SLC23A3: variants seen among roughly 807,000 people sequenced by gnomAD.
SLC23A3 encodes the protein E2-binding protein 3.
A neutral mutation model predicts 64.7 loss-of-function variants in SLC23A3; 41 were observed. The observed-to-expected ratio is 0.63, with a 90% CI of 0.49 to 0.82. The LOEUF (loss-of-function observed/expected upper bound fraction) is 0.82. Ranked by LOEUF, SLC23A3 falls within the 40% of genes least tolerant of loss-of-function variation. SLC23A3 has a pLI of 0.00. For synonymous variants in SLC23A3, 281 were observed against 306.8 expected, an observed-to-expected ratio of 0.92 and a Z score of 0.88; for missense variants, 647 against 733.4, an observed-to-expected ratio of 0.88 and a Z score of 1.36.
Position 219,164,280 on chromosome 2 carries a change from G to A in SLC23A3, c.1226C>T (p.Ser409Phe). 1 of 1,610,320 alleles carries A rather than the reference G, an allele frequency of 6.2e-7. No homozygotes were observed. The highest frequency in any genetic ancestry group is 8.5e-7 in the Non-Finnish European group (1 of 1,178,436). The change falls in exon 9 of 12, where the codon TCC becomes TTC. Residue 409 changes from serine to phenylalanine, a missense_variant. Ser to Phe is a radical substitution (Grantham distance 155). Coordinates refer to ENST00000409878, the MANE Select transcript of SLC23A3 (RefSeq NM_001144889.2). ...VGLLCVGLGLSPRLAQLLTTI... is the reference protein window; with the variant it reads ...VGLLCVGLGLFPRLAQLLTTI... ...GGTGAGGAGCTGAGCCAACCTGGGG[G>A]AGAGTCCAAGCCCCACGCAGAGTAG...
At position 219,168,825 on chromosome 2, in the gene SLC23A3, C is replaced by T; in HGVS notation, c.501G>A (p.Gly167=). The change falls in exon 5 of 12, where the codon GGG becomes GGA. Residue 167 remains glycine (G), a synonymous_variant. Coordinates refer to ENST00000409878, the MANE Select transcript of SLC23A3 (RefSeq NM_001144889.2). ...HWNTSLQEVS[G]AVVVSGLLQG... Reference sequence around the variant, plus strand: ...GCAGCAGCCCAGATACTACCACTGCCCCGGACACCTGGTAGAAGAGAGGAG... The same window carrying T: ...GCAGCAGCCCAGATACTACCACTGCTCCGGACACCTGGTAGAAGAGAGGAG... 6.3e-7 allele frequency: 1 copy of T among 1,585,436 alleles called. No homozygotes were observed. The highest frequency in any genetic ancestry group is 8.6e-7 in the Non-Finnish European group (1 of 1,166,116).
Position 219,164,267 on chromosome 2 carries a change from A to G in SLC23A3, c.1239T>C (p.Ala413=). 1 of 1,610,206 alleles carries G rather than the reference A, an allele frequency of 6.2e-7. No individual in the cohort carries two copies. Among genetic ancestry groups the G allele is most frequent in the Non-Finnish European group, 8.5e-7 (1 of 1,178,358 alleles). ...GCAGTGGGATGGTGGTGAGGAGCTGAGCCAACCTGGGGGAGAGTCCAAGCC... is the reference window on the plus strand; with the variant it reads ...GCAGTGGGATGGTGGTGAGGAGCTGGGCCAACCTGGGGGAGAGTCCAAGCC... ...CVGLGLSPRL[A]QLLTTIPLPV... The change falls in exon 9 of 12, where the codon GCT becomes GCC. Residue 413 remains alanine, a synonymous_variant. Coordinates refer to ENST00000409878, the MANE Select transcript of SLC23A3 (RefSeq NM_001144889.2).
At position 219,163,541 on chromosome 2, in the gene SLC23A3, C is replaced by T. The variant is rs765018030; in HGVS notation, c.1288G>A (p.Val430Met). 15 of 1,614,010 alleles carry T rather than the reference C, an allele frequency of 9.3e-6. No homozygotes were observed. Among genetic ancestry groups the T allele is most frequent in the African/African-American group, 1.3e-5 (1 of 74,916 alleles). Residue 430 changes from valine (V) to methionine (M), a missense_variant, in exon 10 of 12, where the codon GTG becomes ATG. By Grantham distance (21) the Val-to-Met change is conservative (BLOSUM62 1). Coordinates refer to ENST00000409878, the MANE Select transcript of SLC23A3 (RefSeq NM_001144889.2). ...GCAGACAAAACCACAGCCTGGGTCACCCCCAGCACCCCACCTGTCTCATAC... is the reference window on the plus strand; with the variant it reads ...GCAGACAAAACCACAGCCTGGGTCATCCCCAGCACCCCACCTGTCTCATAC... The part of the protein sequence containing the change: ...PLPVVGGVLG[V>M]TQAVVLSAGF...
intron 6 of SLC23A3, 75 bp from the exon 7 acceptor site, chr2:219,168,119 C>G (rs1452345677): frequency 8.2e-6 from 13 of 1,579,298 alleles, no homozygotes; most frequent in Non-Finnish European, 1.0e-5. Context: ...AGACAGAAGC[C>G]AAAAGGTAGG....
Position 219,169,855 on chromosome 2 carries a change from G to C in SLC23A3, c.130C>G (p.Pro44Ala). 1.2e-6 allele frequency: 2 copies of C among 1,603,730 alleles called. No homozygotes were observed. Among genetic ancestry groups the C allele is most frequent in the Non-Finnish European group, 1.7e-6 (2 of 1,175,708 alleles). The change falls in exon 1 of 12, where the codon CCT (proline) becomes GCT (alanine). Residue 44 changes from proline to alanine, a missense_variant. Pro to Ala is a conservative substitution (Grantham distance 27). Transcript: ENST00000409878. The surrounding 1 kb of genome is among the most constrained non-coding windows in gnomAD (Gnocchi z 4.5). ...GCCAGAAGACAGCTGAGGCCCCAAG[G>C]CAGAGATCCACACAAAGGGTCCCAA... Reference protein sequence around the residue: ...HSWDPLCGSLPWGLSCLLALQ... With the variant: ...HSWDPLCGSLAWGLSCLLALQ...
rs569976608 is a variant in SLC23A3, at chr2:219,161,786, A to G, written c.*123T>C. 135 of 1,114,756 alleles carry G rather than the reference A, an allele frequency of 1.2e-4. No homozygotes were observed. Among genetic ancestry groups the G allele is most frequent in the Non-Finnish European group, 1.7e-4 (130 of 786,860 alleles). The allele number at this position is 1,114,756 out of a possible 1,614,324, so 69.1% of individuals were successfully genotyped here. Reference sequence around the variant, plus strand: ...CACCCTATTGGGAAATGGAACCTCTAGACAGTCCCATGTAATACACACACA... The same window carrying G: ...CACCCTATTGGGAAATGGAACCTCTGGACAGTCCCATGTAATACACACACA... On this transcript the variant is annotated 3_prime_UTR_variant, in exon 12 of 12. Coordinates refer to ENST00000409878, the MANE Select transcript of SLC23A3 (RefSeq NM_001144889.2).
chr2:219,168,592 C>T (rs1950027446), intron 5 of SLC23A3, 60 bp downstream of exon 5: 1 of 1,530,538 alleles, frequency 6.5e-7, no homozygotes, highest in Middle Eastern at 2.1e-4. Context: ...TTCTGCCCTC[C>T]CCTAGTCCCC....
At chr2:219,168,966 G>A in intron 4 of SLC23A3, 63 bp downstream of exon 4, 1 of 1,570,854 alleles carries the variant, frequency 6.4e-7, no homozygotes, top group Non-Finnish European at 8.8e-7. Flanking sequence ...TGTGCATAAT[G>A]GAAACAAGAG....
chr2:219,162,254 C>T (rs1949953158), intron 11 of SLC23A3, 45 bp downstream of exon 11: 4 of 1,613,430 alleles, frequency 2.5e-6, no homozygotes, highest in Non-Finnish European at 8.5e-7. Flanking sequence ...GGAGGGATGG[C>T]TTCCTGGCCA....
chr2:219,168,413 G>T, intron 5 of SLC23A3, 95 bp from the exon 6 acceptor site: 1 of 1,395,816 alleles, frequency 7.2e-7, no homozygotes, highest in Non-Finnish European at 9.6e-7. Context: ...AGAGCGGGGG[G>T]TGATACCAGA....
At position 219,169,265 on chromosome 2, in the gene SLC23A3, G is replaced by T. The variant is rs775383377; in HGVS notation, c.418+44C>A. On this transcript the variant is annotated intron_variant, in intron 3 of 11. Transcript: ENST00000409878. The surrounding 1 kb of genome is among the most constrained non-coding windows in gnomAD (Gnocchi z 4.5). ...CACCTACACCTGCATGCTCAGATGA[G>T]AACCCAGCCCCACCCTTACCCCTTG... is the stretch of plus-strand genomic sequence containing the variant. 1 of 1,613,824 alleles carries T rather than the reference G, an allele frequency of 6.2e-7. No individual in the cohort carries two copies. The highest frequency in any genetic ancestry group is 8.5e-7 in the Non-Finnish European group (1 of 1,179,968).
chr2:219,164,958 G>T (rs760111715), intron 8 of SLC23A3: 32 of 612,490 alleles, frequency 5.2e-5, no homozygotes, highest in Non-Finnish European at 7.1e-5. Context: ...CTTTGCCCTA[G>T]CCTTGATACA....
In SLC23A3 at chr2:219,169,145, A is replaced by C; in HGVS notation, c.419-43T>G. The C allele has an allele frequency of 6.2e-7, 1 of 1,603,052 alleles. No individual in the cohort carries two copies. Among genetic ancestry groups the C allele is most frequent in the Non-Finnish European group, 8.5e-7 (1 of 1,170,090 alleles). Reference sequence around the variant, plus strand: ...CATGGAGAAGAGAAGGGTGAATGGAATGGAGACCCATTGCTCTACAGTCCC... The same window carrying C: ...CATGGAGAAGAGAAGGGTGAATGGACTGGAGACCCATTGCTCTACAGTCCC... On this transcript the variant is annotated intron_variant, in intron 3 of 11. Coordinates refer to ENST00000409878, the MANE Select transcript of SLC23A3 (RefSeq NM_001144889.2). This position sits in a 1 kb window ranked among gnomAD's most constrained non-coding sequence, Gnocchi z 4.5.
intron 7 of SLC23A3, among the ~76,000 whole-genome samples, chr2:219,165,993 C>T (rs1950001963): frequency 2.0e-5 from 3 of 152,084 alleles, no homozygotes; most frequent in Admixed American, 1.3e-4. Context: ...ATTAGCCAGG[C>T]ATGGTGGTGC....
Position 219,169,900 on chromosome 2 carries a change from G to C in SLC23A3, c.85C>G (p.Gln29Glu). The change falls in exon 1 of 12, where the codon CAG becomes GAG. Residue 29 changes from glutamine (Q) to glutamate (E), a missense_variant. Coordinates refer to ENST00000409878, the MANE Select transcript of SLC23A3 (RefSeq NM_001144889.2). This position sits in a 1 kb window ranked among gnomAD's most constrained non-coding sequence, Gnocchi z 4.5. ...ALAPLPPPAP[Q>E]NPSTHSWDPL... ...TCCCAAGAGTGGGTGGAGGGATTCT[G>C]GGGAGCAGGTGGAGGCAAGGGGGCC... is the stretch of plus-strand genomic sequence containing the variant. The C allele has an allele frequency of 1.2e-6, 2 of 1,613,660 alleles. No individual in the cohort carries two copies. The highest frequency in any genetic ancestry group is 1.7e-6 in the Non-Finnish European group (2 of 1,179,806).
In SLC23A3 at chr2:219,162,379, T is replaced by C. The variant is rs896148425; in HGVS notation, c.1457A>G (p.Asp486Gly). The C allele has an allele frequency of 6.2e-7, 1 of 1,613,586 alleles. No homozygotes were observed. The change falls in exon 11 of 12, where the codon GAT (aspartate) becomes GGT (glycine). Residue 486 changes from aspartate (D) to glycine (G), a missense_variant. Physicochemically the swap from Asp to Gly is moderately conservative, Grantham distance 94. Coordinates refer to ENST00000409878, the MANE Select transcript of SLC23A3 (RefSeq NM_001144889.2). The part of the protein sequence containing the change: ...VLFSTGWSPL[D>G]VLLHSLLTQP... ...TGTCAGCAGTGAGTGCAGTAATACA[T>C]CCAAGGGGCTCCAGCCTATGAAGAG...
Position 219,170,025 on chromosome 2 carries a change from G to A in SLC23A3, c.-41C>T. ...GCTTTGTCTTGGCTGCCCGGGACCA[G>A]AGTTAAGTAGAGAGAGTAAGAGGTC... On this transcript the variant is annotated 5_prime_UTR_variant, in exon 1 of 12. Transcript: ENST00000409878. The A allele has an allele frequency of 5.0e-6, 8 of 1,602,260 alleles. No individual in the cohort carries two copies. Among genetic ancestry groups the A allele is most frequent in the Non-Finnish European group, 6.8e-6 (8 of 1,175,328 alleles).
Position 219,169,518 on chromosome 2 carries a change from C to T in SLC23A3, c.320+3G>A, listed in dbSNP as rs771674216. ...CCCCTCTCTCCAGGGAGGTTCCTCT[C>T]ACCTGCTGCCCATCCAAGTTTGCAG... is the stretch of plus-strand genomic sequence containing the variant. On this transcript the variant is annotated splice_donor_region_variant and intron_variant, in intron 2 of 11. Transcript: ENST00000409878. The surrounding 1 kb of genome is among the most constrained non-coding windows in gnomAD (Gnocchi z 4.5). The T allele has an allele frequency of 1.9e-6, 3 of 1,613,976 alleles. No individual in the cohort carries two copies. Among genetic ancestry groups the T allele is most frequent in the African/African-American group, 1.3e-5 (1 of 74,940 alleles).
Position 219,163,650 on chromosome 2 carries a change from C to T in SLC23A3, c.1274-95G>A, listed in dbSNP as rs1420778000. On this transcript the variant is annotated intron_variant, in intron 9 of 11. Coordinates refer to ENST00000409878, the MANE Select transcript of SLC23A3 (RefSeq NM_001144889.2). ...AGGGCAAGCAGGTTGTAATGGGAAACAAATAAAACCCAAGAGAATGATTTT... is the reference window on the plus strand; with the variant it reads ...AGGGCAAGCAGGTTGTAATGGGAAATAAATAAAACCCAAGAGAATGATTTT... The T allele has an allele frequency of 3.4e-6, 4 of 1,161,514 alleles. No homozygotes were observed. The African/African-American group carries it at 4.7e-5, about 14-fold the overall frequency. 72.0% of individuals were successfully genotyped at this position (1,161,514 alleles called of 1,614,324 possible).
Sources: gnomAD v4.1 joint callset for allele counts (sites outside exome capture counted in the v4.1 genomes callset) on GRCh38, gnomAD v4.1.1 for gene constraint, Gnocchi (gnomAD v3.1) non-coding constraint, MANE v1.5 for transcripts, NCBI Gene and HGNC (gene_info 2026-07-23, HGNC 2026-07-21) for gene names.